WWC2: variants seen among roughly 807,000 people sequenced by gnomAD.
WWC2 encodes the protein WW and C2 domain containing 2.
In WWC2, 101 loss-of-function variants were observed where a neutral mutation model predicts 138.5. The observed-to-expected ratio is 0.73, with a 90% CI of 0.62 to 0.86. The LOEUF is 0.86. WWC2 is among the 40% of genes least tolerant of loss of function. WWC2 has a pLI of 0.00. For synonymous variants in WWC2, 558 were observed against 538.4 expected (o/e 1.04, Z -0.50); for missense variants, 1,420 against 1,419.4 (o/e 1.00, Z -0.01).
intron 15 of WWC2, chr4:183,270,038 T>C (rs993980410): frequency 6.6e-6 from 1 of 152,200 alleles, no homozygotes. Context: ...ATGAACAAAG[T>C]TTAAGAGGGG....
chr4:183,292,466 C>T (rs1738489050), intron 21 of WWC2, among the ~76,000 whole-genome samples: 1 of 152,080 alleles, frequency 6.6e-6, no homozygotes, highest in Non-Finnish European at 1.5e-5. Context: ...GATCACCCCA[C>T]TGAACTTTAG....
intron 11 of WWC2, among the ~76,000 whole-genome samples, chr4:183,264,085 G>A (rs1737418853): frequency 6.6e-6 from 1 of 152,184 alleles, no homozygotes; most frequent in Non-Finnish European, 1.5e-5. Flanking sequence ...CCTTCACAAA[G>A]GGGGGTGGGC....
intron 20 of WWC2, 21 bp downstream of exon 20, chr4:183,286,080 G>T (rs189537402): frequency 1.2e-5 from 18 of 1,550,272 alleles, no homozygotes; most frequent in Non-Finnish European, 1.6e-5. Flanking sequence ...CCTCAGCCAC[G>T]TCCCACTGTC....
intron 19 of WWC2, 46 bp from the exon 20 acceptor site, chr4:183,285,921 T>C (rs1738233191): frequency 1.3e-6 from 2 of 1,522,154 alleles, no homozygotes; most frequent in Non-Finnish European, 1.8e-6. Flanking sequence ...CCACTTGCAC[T>C]CTGTTTGATA....
chr4:183,141,705 G>A (rs957020904), intron 1 of WWC2, among the ~76,000 whole-genome samples: 1 of 152,188 alleles, frequency 6.6e-6, no homozygotes, highest in Admixed American at 6.5e-5. Context: ...CACCCTGGGA[G>A]TCAGTCTTTC....
chr4:183,157,926 C>T (rs1353432976), intron 1 of WWC2, among the ~76,000 whole-genome samples: 3 of 152,026 alleles, frequency 2.0e-5, no homozygotes, highest in South Asian at 2.1e-4. Context: ...AAACAGTTGC[C>T]TTTCCAAGGG....
intron 22 of WWC2, among the ~76,000 whole-genome samples, chr4:183,314,105 G>A (rs182406270): frequency 7.9e-5 from 12 of 152,190 alleles, no homozygotes; most frequent in South Asian, 6.2e-4. Flanking sequence ...GCCACGGACC[G>A]TGTGGCAGCA....
chr4:183,246,593 A>G (rs1580103910), intron 6 of WWC2, among the ~76,000 whole-genome samples: 1 of 152,324 alleles, frequency 6.6e-6, no homozygotes, highest in Middle Eastern at 3.4e-3. Flanking sequence ...CTTGCATATA[A>G]ATAATTCCCT....
chr4:183,157,553 T>C (rs1487303834), intron 1 of WWC2, among the ~76,000 whole-genome samples: 2 of 152,142 alleles, frequency 1.3e-5, no homozygotes, highest in African/African-American at 4.8e-5. Flanking sequence ...CAGGCTGGAG[T>C]GCAGTGGCGC....
chr4:183,307,878 A>T (rs1739074847), intron 21 of WWC2, among the ~76,000 whole-genome samples: 1 of 152,214 alleles, frequency 6.6e-6, no homozygotes, highest in African/African-American at 2.4e-5. Flanking sequence ...AGAAAAGAAA[A>T]AAAGGTATCC....
intron 4 of WWC2, among the ~76,000 whole-genome samples, chr4:183,222,420 A>T (rs1735960236): frequency 6.6e-6 from 1 of 152,064 alleles, no homozygotes; most frequent in Admixed American, 6.5e-5. Context: ...TCATATTCAC[A>T]ATAGCAAACC....
At chr4:183,211,126 T>C (rs940691433) in intron 4 of WWC2, among the ~76,000 whole-genome samples, 2 of 152,224 alleles carry the variant, frequency 1.3e-5, no homozygotes, top group East Asian at 1.9e-4. Context: ...TTCAAACAAT[T>C]GGAGATTTTC....
intron 2 of WWC2, among the ~76,000 whole-genome samples, chr4:183,196,452 T>C (rs1415159014): frequency 1.3e-5 from 2 of 152,242 alleles, no homozygotes; most frequent in East Asian, 3.8e-4. Flanking sequence ...TGTCAGGATT[T>C]CTGTAATAGT....
intron 1 of WWC2, among the ~76,000 whole-genome samples, chr4:183,166,411 C>T (rs1734132184): frequency 6.6e-6 from 1 of 152,152 alleles, no homozygotes; most frequent in African/African-American, 2.4e-5. Context: ...ACTGGCTATC[C>T]CTTGGCTGCT....
chr4:183,308,627 T>C (rs1739101992), intron 21 of WWC2, among the ~76,000 whole-genome samples: 1 of 152,194 alleles, frequency 6.6e-6, no homozygotes, highest in African/African-American at 2.4e-5. Context: ...ACACAGATGC[T>C]CAAGTCCTTT....
At chr4:183,267,313 C>T (rs1195929744) in intron 14 of WWC2, among the ~76,000 whole-genome samples, 1 of 152,134 alleles carries the variant, frequency 6.6e-6, no homozygotes, top group African/African-American at 2.4e-5. Context: ...ATAGAAGTGC[C>T]TAGATCAACG....
chr4:183,153,194 T>C (rs1478662911), intron 1 of WWC2, among the ~76,000 whole-genome samples: 1 of 152,228 alleles, frequency 6.6e-6, no homozygotes, highest in Non-Finnish European at 1.5e-5. Context: ...TGTGAGCCAC[T>C]GCACATGGTC....
intron 1 of WWC2, among the ~76,000 whole-genome samples, chr4:183,106,420 A>G (rs998157818): frequency 1.3e-5 from 2 of 152,098 alleles, no homozygotes; most frequent in Non-Finnish European, 2.9e-5. Context: ...GATTAAAAAA[A>G]TTCCTCAGCA....
At chr4:183,102,149 C>A (rs756879963) in intron 1 of WWC2, among the ~76,000 whole-genome samples, 1 of 152,130 alleles carries the variant, frequency 6.6e-6, no homozygotes, top group Non-Finnish European at 1.5e-5. Flanking sequence ...TTTATTGCTC[C>A]ACTTCTTACT....
Sources: allele counts gnomAD v4.1 joint callset (sites outside exome capture counted in the v4.1 genomes callset), GRCh38; gene constraint gnomAD v4.1.1; transcripts MANE v1.5; gene names NCBI Gene and HGNC (gene_info 2026-07-23, HGNC 2026-07-21).